The following POLR2E variants were observed in gnomAD, a reference collection of about 807,000 sequenced individuals.
POLR2E encodes RNA polymerase II, I and III subunit E.
POLR2E carries 35 observed loss-of-function variants against 29.8 expected under a neutral mutation model. The observed-to-expected ratio is 1.17, with a 90% CI of 0.90 to 1.55. The LOEUF (loss-of-function observed/expected upper bound fraction) is 1.55, where lower values mean the gene tolerates loss of function less well. POLR2E is among the 40% of genes most tolerant of loss of function. The pLI is 0.00. For synonymous variants in POLR2E, 174 were observed against 112.6 expected, an observed-to-expected ratio of 1.55 and a Z score of -3.45; for missense variants, 287 against 288.6, an observed-to-expected ratio of 0.99 and a Z score of 0.04.
At chr19:1,090,480 T>TTTC (rs1357728465) in intron 4 of POLR2E, among the ~76,000 whole-genome samples, 1 of 148,350 alleles carries the variant, frequency 6.7e-6, no homozygotes, top group Admixed American at 6.7e-5. Flanking sequence ...TTTTTTTTTT[T>TTTC]TTTGAGATGG....
rs2043795442 is a variant in POLR2E, at chr19:1,090,043, CGAGGGACAGG to C, written c.488+34_488+43del. 6 of 1,531,582 alleles carry C rather than the reference CGAGGGACAGG, an allele frequency of 3.9e-6. No homozygotes were observed. The South Asian group carries it at 6.8e-5, about 17-fold the overall frequency. 94.9% of individuals were successfully genotyped at this position (1,531,582 alleles called of 1,614,324 possible). ...GTGTGGGGGGGGAACGCGGAAGTCT[CGAGGGACAGG>C]GAGGGGCGGGGCCGGTGGGGCTGGA... On this transcript the variant is annotated intron_variant, in intron 5 of 7. Coordinates refer to ENST00000615234, the MANE Select transcript of POLR2E (RefSeq NM_002695.5).
chr19:1,090,413 CTCCCAGCAG>C (rs1471436312), intron 4 of POLR2E, among the ~76,000 whole-genome samples: 1 of 151,572 alleles, frequency 6.6e-6, no homozygotes, highest in Admixed American at 6.6e-5. Flanking sequence ...TCCCTCCACA[CTCCCAGCAG>C]TCCCGATTCT....
At chr19:1,092,932 TC>T (rs1211354832) in intron 2 of POLR2E, among the ~76,000 whole-genome samples, 4 of 141,104 alleles carry the variant, frequency 2.8e-5, no homozygotes, top group African/African-American at 1.1e-4. Context: ...ACGCCTGTAA[TC>T]CCAGCACTTT....
At chr19:1,090,704 C>T (rs985294367) in intron 4 of POLR2E, among the ~76,000 whole-genome samples, 3 of 151,904 alleles carry the variant, frequency 2.0e-5, no homozygotes, top group African/African-American at 7.3e-5. Context: ...ATGTGTGAGC[C>T]ACCGCGCCCG....
chr19:1,092,111 G>A (rs1033200690), intron 2 of POLR2E, among the ~76,000 whole-genome samples: 3 of 152,150 alleles, frequency 2.0e-5, no homozygotes, highest in Admixed American at 1.3e-4. Flanking sequence ...TCATTCACCC[G>A]GAGACAGGGA....
rs115401804 is a variant in POLR2E at position 1,090,168 on chromosome 19, G to T, written c.430-23C>A. On this transcript the variant is annotated intron_variant, in intron 4 of 7. Coordinates refer to ENST00000615234, the MANE Select transcript of POLR2E (RefSeq NM_002695.5). ...TAGCTGCCGAGAGAGGAAGCCACCA[G>T]GCATCACCAAGGGCTGGTGAGACCC... 5 of 1,611,042 alleles carry T rather than the reference G, an allele frequency of 3.1e-6. No homozygotes were observed. In the South Asian group the frequency reaches 5.5e-5, roughly 18 times the overall value.
Position 1,095,323 on chromosome 19 carries a change from T to C in POLR2E, c.-8A>G. 5.0e-6 allele frequency: 8 copies of C among 1,598,930 alleles called. No homozygotes were observed. The highest frequency in any genetic ancestry group is 6.8e-6 in the Non-Finnish European group (8 of 1,168,964). Reference sequence around the variant, plus strand: ...CTCCTCCTCGTCGTCCATGGCAGCCTCCGCCGCCGCCGCCGCTCGCACCCC... The same window carrying C: ...CTCCTCCTCGTCGTCCATGGCAGCCCCCGCCGCCGCCGCCGCTCGCACCCC... On this transcript the variant is annotated 5_prime_UTR_variant, in exon 1 of 8. Transcript: ENST00000615234.
chr19:1,094,100 T>C, intron 1 of POLR2E, 22 bp from the exon 2 acceptor site: 1 of 1,596,300 alleles, frequency 6.3e-7, no homozygotes, highest in Non-Finnish European at 8.5e-7. Context: ...AAGAACCAGC[T>C]GACCCCAGGG....
rs774942661 is a variant in POLR2E, at chr19:1,093,757, G to A, written c.232+147C>T. On this transcript the variant is annotated intron_variant, in intron 2 of 7. Coordinates refer to ENST00000615234, the MANE Select transcript of POLR2E (RefSeq NM_002695.5). ...TCAGAGATCAACGGCATCACCCACAGCAAGGAAGGGGAGGGGAGTTTTCCT... is the reference window on the plus strand; with the variant it reads ...TCAGAGATCAACGGCATCACCCACAACAAGGAAGGGGAGGGGAGTTTTCCT... 2.8e-6 allele frequency: 4 copies of A among 1,414,872 alleles called. No individual in the cohort carries two copies. The South Asian group carries it at 6.2e-5, about 22-fold the overall frequency. 87.6% of individuals were successfully genotyped at this position (1,414,872 alleles called of 1,614,324 possible).
chr19:1,090,450 C>T (rs1011443346), intron 4 of POLR2E, among the ~76,000 whole-genome samples: 9 of 145,282 alleles, frequency 6.2e-5, no homozygotes, highest in African/African-American at 2.0e-4. Flanking sequence ...GGGGTGGGCC[C>T]GGGATCTGCA....
Position 1,089,870 on chromosome 19 carries a change from C to T in POLR2E, c.567+14G>A. On this transcript the variant is annotated intron_variant, in intron 6 of 7. Transcript: ENST00000615234. The stretch of plus-strand genomic sequence containing the variant: ...CAGAGCAGCCCCAGGGCCCCTTCTC[C>T]CCACAGGGCTCACCTGCCCACGCTT... 2 of 1,605,354 alleles carry T rather than the reference C, an allele frequency of 1.2e-6. No individual in the cohort carries two copies. Among genetic ancestry groups the T allele is most frequent in the South Asian group, 1.1e-5 (1 of 90,804 alleles).
intron 3 of POLR2E, 129 bp from the exon 4 acceptor site, chr19:1,091,117 C>T (rs2043819525): frequency 1.4e-6 from 1 of 705,696 alleles, no homozygotes; most frequent in Non-Finnish European, 2.4e-6. Context: ...ATCAGAAAAC[C>T]CCACCGCCAG....
intron 1 of POLR2E, 191 bp from the exon 2 acceptor site, chr19:1,094,269 G>A: frequency 1.8e-6 from 1 of 548,102 alleles, no homozygotes; most frequent in Non-Finnish European, 3.2e-6. Flanking sequence ...GGACCAGTAT[G>A]ATCCTGAGAG....
intron 6 of POLR2E, 81 bp from the exon 7 acceptor site, chr19:1,089,632 G>A: frequency 4.1e-6 from 5 of 1,223,220 alleles, no homozygotes; most frequent in Non-Finnish European, 6.0e-6. Context: ...CAGCACACGG[G>A]CTGGGGATGG....
intron 3 of POLR2E, 198 bp downstream of exon 3, chr19:1,091,594 G>C: frequency 1.7e-6 from 1 of 581,644 alleles, no homozygotes; most frequent in Admixed American, 2.9e-5. Flanking sequence ...GGGGGAGGAC[G>C]GCGGCTGCCT....
chr19:1,090,366 A>G (rs1599792040), intron 4 of POLR2E, among the ~76,000 whole-genome samples: 1 of 137,978 alleles, frequency 7.2e-6, no homozygotes. Context: ...GGGCACAGCC[A>G]CCTCCTGCTG....
intron 2 of POLR2E, among the ~76,000 whole-genome samples, chr19:1,093,203 A>C (rs1004754158): frequency 1.2e-4 from 19 of 152,254 alleles, no homozygotes; most frequent in African/African-American, 4.1e-4. Flanking sequence ...AAAAACAAAA[A>C]AAAAACAAAA....
intron 2 of POLR2E, chr19:1,092,215 C>T (rs1161878479): frequency 1.9e-5 from 6 of 316,816 alleles, no homozygotes; most frequent in African/African-American, 1.1e-4. Flanking sequence ...TCTGGGGAGG[C>T]GGGTGACTCA....
intron 7 of POLR2E, among the ~76,000 whole-genome samples, chr19:1,088,945 C>T (rs1326496922): frequency 6.6e-6 from 1 of 152,176 alleles, no homozygotes; most frequent in Non-Finnish European, 1.5e-5. Flanking sequence ...AAGCCCCACC[C>T]CTGGGCTGAG....
Sources: allele counts gnomAD v4.1 joint callset (sites outside exome capture counted in the v4.1 genomes callset), GRCh38; gene constraint gnomAD v4.1.1; transcripts MANE v1.5; gene names NCBI Gene and HGNC (gene_info 2026-07-23, HGNC 2026-07-21).